Variants in PRKG1 observed in about 807,000 individuals in gnomAD.
The protein encoded by PRKG1 is cGMP-dependent protein kinase 1.
In PRKG1, 35 loss-of-function variants were observed where a neutral mutation model predicts 88.1. That is an observed-to-expected ratio of 0.40 (90% confidence interval 0.30 to 0.53). PRKG1 has a LOEUF of 0.53. Ranked by LOEUF, PRKG1 falls within the 20% of genes least tolerant of loss-of-function variation. PRKG1 has a pLI of 0.59. For synonymous variants in PRKG1, 303 were observed against 292.5 expected (o/e 1.04, Z -0.37); for missense variants, 540 against 839.8 (o/e 0.64, Z 4.41).
chr10:51,874,355 G>C (rs560604854), intron 4 of PRKG1, among the ~76,000 whole-genome samples: 1 of 152,286 alleles, frequency 6.6e-6, no homozygotes, highest in Non-Finnish European at 1.5e-5. Context: ...TGCAGAAAAC[G>C]TAAAAGTTAG....
In PRKG1 at chr10:51,440,971, G is replaced by T. The variant is rs1839088560; in HGVS notation, c.479-26752G>T. Among the ~76,000 whole-genome samples, 3 of 151,952 alleles carry T rather than the reference G, an allele frequency of 2.0e-5. No individual in the cohort carries two copies. In the South Asian group the frequency reaches 6.2e-4, roughly 32 times the overall value. On this transcript the variant is annotated intron_variant, in intron 2 of 17. Transcript: ENST00000373980. ...GAAAAGAATGGGTACAATAAATGTG[G>T]ACTTTAAACATTAAAATCTTTTGAA...
intron 1 of PRKG1, among the ~76,000 whole-genome samples, chr10:51,108,619 C>T (rs750046060): frequency 6.6e-6 from 1 of 152,108 alleles, no homozygotes; most frequent in Non-Finnish European, 1.5e-5. Flanking sequence ...TAGAAGGGAA[C>T]ACTCTTAACT....
intron 3 of PRKG1, among the ~76,000 whole-genome samples, chr10:51,580,490 A>T (rs1225480772): frequency 1.3e-5 from 2 of 152,112 alleles, no homozygotes; most frequent in Non-Finnish European, 2.9e-5. Context: ...TTTCTGAATT[A>T]AAAAAATTAT....
intron 2 of PRKG1, among the ~76,000 whole-genome samples, chr10:51,251,356 A>G (rs994844090): frequency 4.6e-5 from 7 of 151,914 alleles, no homozygotes; most frequent in African/African-American, 1.7e-4. Context: ...TTTTTTAGCC[A>G]TGAACTCTTT....
intron 1 of PRKG1, among the ~76,000 whole-genome samples, chr10:51,006,701 C>A (rs1270672355): frequency 2.0e-5 from 3 of 152,086 alleles, no homozygotes; most frequent in Admixed American, 1.3e-4. Context: ...TCTTTCCATG[C>A]ATTTCACGCC....
chr10:51,022,384 G>C (rs1843150720), intron 1 of PRKG1, among the ~76,000 whole-genome samples: 1 of 152,174 alleles, frequency 6.6e-6, no homozygotes, highest in African/African-American at 2.4e-5. Flanking sequence ...TCAGGGCACT[G>C]TTGCTCAGCC....
rs576906368 is a variant in PRKG1 at position 51,801,007 on chromosome 10, CCTT to C, written c.593-3574_593-3572del. 1.8e-3 allele frequency among the ~76,000 whole-genome samples: 267 copies of C among 152,168 alleles called. 1 individual carries two copies. Among genetic ancestry groups the C allele is most frequent in the African/African-American group, 5.9e-3 (247 of 41,526 alleles). ...GCTTAGATGATTCTTTTCTGCAAAGCCTTCTTTAATCATCTCTTCTCAGCTCCT... is the reference window on the plus strand; with the variant it reads ...GCTTAGATGATTCTTTTCTGCAAAGCCTTTAATCATCTCTTCTCAGCTCCT... On this transcript the variant is annotated intron_variant, in intron 3 of 17. Transcript: ENST00000373980.
chr10:52,253,807 T>C (rs1478309430), intron 10 of PRKG1, among the ~76,000 whole-genome samples: 16 of 152,000 alleles, frequency 1.1e-4, no homozygotes, highest in Admixed American at 1.1e-3. Context: ...TAGATATTAC[T>C]GCTGAGTGAT....
rs185194391 is a variant in PRKG1 at position 52,114,957 on chromosome 10, T to C, written c.936-18883T>C. 3.8e-3 allele frequency among the ~76,000 whole-genome samples: 581 copies of C among 152,180 alleles called. 2 individuals are homozygous for C. Among genetic ancestry groups the C allele is most frequent in the Non-Finnish European group, 6.1e-3 (415 of 67,978 alleles). ...ACATAAAAGGTAATGAAAGAAGTTT[T>C]CCAAATGTCTCATATCTGTCCATTA... On this transcript the variant is annotated intron_variant, in intron 7 of 17. Transcript: ENST00000373980.
At chr10:51,873,006 A>G (rs1049223624) in intron 4 of PRKG1, among the ~76,000 whole-genome samples, 14 of 152,122 alleles carry the variant, frequency 9.2e-5, no homozygotes, top group Admixed American at 6.5e-4. Context: ...CTATATAGTT[A>G]TATCTGCACC....
intron 2 of PRKG1, among the ~76,000 whole-genome samples, chr10:51,306,966 A>G (rs931549624): frequency 2.0e-5 from 3 of 152,102 alleles, no homozygotes; most frequent in African/African-American, 4.8e-5. Flanking sequence ...CTGCTGTACC[A>G]TCTTCCACCT....
chr10:51,525,984 T>C (rs1297948277), intron 3 of PRKG1, among the ~76,000 whole-genome samples: 2 of 152,130 alleles, frequency 1.3e-5, no homozygotes, highest in Admixed American at 6.5e-5. Context: ...CATGTCCAGC[T>C]AATTTTTGTA....
chr10:51,869,560 C>T (rs531384750), intron 4 of PRKG1, among the ~76,000 whole-genome samples: 1 of 152,244 alleles, frequency 6.6e-6, no homozygotes, highest in South Asian at 2.1e-4. Context: ...AAGATCTTAT[C>T]ATCTAGCTCA....
At chr10:52,021,181 A>G (rs773463540) in intron 5 of PRKG1, among the ~76,000 whole-genome samples, 6 of 152,194 alleles carry the variant, frequency 3.9e-5, no homozygotes, top group Non-Finnish European at 7.3e-5. Context: ...GCAGGGAGGA[A>G]CAAGTCATTC....
intron 3 of PRKG1, among the ~76,000 whole-genome samples, chr10:51,499,052 T>C (rs1219478130): frequency 1.3e-5 from 2 of 152,210 alleles, no homozygotes; most frequent in Non-Finnish European, 2.9e-5. Flanking sequence ...AGAAGAATGT[T>C]AATTTATAAT....
At chr10:52,017,786 A>G (rs533661322) in intron 5 of PRKG1, among the ~76,000 whole-genome samples, 104 of 152,248 alleles carry the variant, frequency 6.8e-4, no homozygotes, top group African/African-American at 2.4e-3. Context: ...GATTCTAGAC[A>G]ATGGAAAGTG....
chr10:51,639,106 T>A (rs1202714031), intron 3 of PRKG1, among the ~76,000 whole-genome samples: 1 of 150,986 alleles, frequency 6.6e-6, no homozygotes, highest in East Asian at 1.9e-4. Flanking sequence ...ATAGAAGAGG[T>A]GAGGATTGAG....
rs1455039356 is a variant in PRKG1, at chr10:52,181,577, TC to T, written c.1076+19620del. ...TAGGTATATCTCCCAAAGCTATCCC[TC>T]CCCCCTCCCCCGACCCCACCACAGT... On this transcript the variant is annotated intron_variant, in intron 9 of 17. Transcript: ENST00000373980. Among the ~76,000 whole-genome samples the T allele has an allele frequency of 3.8e-4, 32 of 83,866 alleles. No homozygotes were observed. The South Asian group carries it at 0.015, about 40-fold the overall frequency. 55.0% of individuals were successfully genotyped at this position (83,866 alleles called of 152,430 possible).
chr10:52,103,985 CAT>C (rs1491280406), intron 7 of PRKG1, among the ~76,000 whole-genome samples: 12 of 143,564 alleles, frequency 8.4e-5, no homozygotes, highest in Admixed American at 6.4e-4. Flanking sequence ...ATTATGACTT[CAT>C]GTGTGTGTGT....
Sources: allele counts gnomAD v4.1 joint callset (sites outside exome capture counted in the v4.1 genomes callset), GRCh38; gene constraint gnomAD v4.1.1; transcripts MANE v1.5; gene names NCBI Gene and HGNC (gene_info 2026-07-23, HGNC 2026-07-21).